SCP2: variants seen among roughly 807,000 people sequenced by gnomAD.
SCP2 encodes the protein sterol carrier protein 2.
A neutral mutation model predicts 71.4 loss-of-function variants in SCP2; 48 were observed. The observed-to-expected ratio is 0.67, with a 90% CI of 0.53 to 0.86. The LOEUF is 0.86. Ranked by LOEUF, SCP2 falls within the 40% of genes least tolerant of loss-of-function variation. SCP2 has a pLI of 0.00. For missense variants in SCP2, 560 were observed against 655.6 expected (o/e 0.85, Z 1.59); for synonymous variants, 220 against 218.1 (o/e 1.01, Z -0.08).
intron 2 of SCP2, among the ~76,000 whole-genome samples, chr1:52,946,188 C>T (rs1360554710): frequency 6.6e-6 from 1 of 151,098 alleles, no homozygotes; most frequent in Admixed American, 6.6e-5. Flanking sequence ...CTTGGTCTCC[C>T]AAAGTGCTAG....
At chr1:53,041,333 C>T (rs1663414405) in intron 14 of SCP2, among the ~76,000 whole-genome samples, 2 of 150,150 alleles carry the variant, frequency 1.3e-5, no homozygotes, top group African/African-American at 2.5e-5. Flanking sequence ...ACCCAGGAGG[C>T]GGAGGTTGCA....
chr1:53,031,040 T>C (rs1662512933), intron 13 of SCP2, among the ~76,000 whole-genome samples: 1 of 152,206 alleles, frequency 6.6e-6, no homozygotes, highest in Non-Finnish European at 1.5e-5. Flanking sequence ...CTTAAAAGTT[T>C]TGGTTTTTAA....
chr1:53,010,730 A>G (rs1024427596), intron 11 of SCP2, among the ~76,000 whole-genome samples: 1 of 152,162 alleles, frequency 6.6e-6, no homozygotes, highest in East Asian at 1.9e-4. Context: ...ATATATATGT[A>G]ACAAAGCTGC....
intron 11 of SCP2, among the ~76,000 whole-genome samples, chr1:53,010,248 T>C (rs138131293): frequency 0.019 from 2,856 of 152,260 alleles, 97 homozygotes; most frequent in African/African-American, 0.065. Flanking sequence ...GAACTAGAAA[T>C]AGCATTTGAC....
chr1:53,012,097 C>T (rs1661021852), intron 11 of SCP2, among the ~76,000 whole-genome samples: 1 of 152,172 alleles, frequency 6.6e-6, no homozygotes, highest in Admixed American at 6.5e-5. Context: ...TAGAATACTA[C>T]TATAACTTCC....
chr1:52,995,824 C>T, intron 11 of SCP2: 1 of 1,001,810 alleles, frequency 1.0e-6, no homozygotes, highest in South Asian at 1.4e-5. Flanking sequence ...AGGAGCTCTT[C>T]AGGTGCATCT....
chr1:52,978,683 C>T (rs889640720), intron 9 of SCP2, among the ~76,000 whole-genome samples: 6 of 152,166 alleles, frequency 3.9e-5, no homozygotes, highest in African/African-American at 1.4e-4. Flanking sequence ...CCACTTCAGC[C>T]TCCCAAGTGG....
chr1:52,961,865 A>G (rs1022446923), intron 6 of SCP2, among the ~76,000 whole-genome samples: 3 of 152,198 alleles, frequency 2.0e-5, no homozygotes, highest in Non-Finnish European at 4.4e-5. Context: ...TTGAAATAGG[A>G]AAAATAACAC....
At chr1:52,995,957 T>G (rs1659907732) in intron 11 of SCP2, 1 of 1,454,768 alleles carries the variant, frequency 6.9e-7, no homozygotes, top group Admixed American at 2.4e-5. Flanking sequence ...TCTCTGAGTA[T>G]CAGCAGTACC....
chr1:52,969,967 CATTT>C (rs1466742041), intron 6 of SCP2, among the ~76,000 whole-genome samples: 2 of 152,144 alleles, frequency 1.3e-5, no homozygotes, highest in Non-Finnish European at 2.9e-5. Context: ...TTATGTCATT[CATTT>C]ATTCTTATTA....
At chr1:52,993,496 A>C in intron 11 of SCP2, 4 of 1,613,130 alleles carry the variant, frequency 2.5e-6, no homozygotes, top group Non-Finnish European at 3.4e-6. Flanking sequence ...TTTGAAACTT[A>C]TAGATTTCTT....
chr1:53,015,196 G>T (rs573859813), intron 12 of SCP2, among the ~76,000 whole-genome samples, 153 bp downstream of exon 12: 84 of 152,254 alleles, frequency 5.5e-4, no homozygotes, highest in Non-Finnish European at 1.0e-3. Flanking sequence ...TTTAAAAGTG[G>T]CCATCAGGTT....
intron 14 of SCP2, among the ~76,000 whole-genome samples, chr1:53,039,455 G>A (rs1321706515): frequency 6.6e-6 from 1 of 152,184 alleles, no homozygotes; most frequent in Non-Finnish European, 1.5e-5. Flanking sequence ...TGCATGGCTG[G>A]TGGCCTTGGA....
intron 11 of SCP2, among the ~76,000 whole-genome samples, chr1:53,003,771 C>T (rs1660464480): frequency 6.6e-6 from 1 of 152,156 alleles, no homozygotes; most frequent in Non-Finnish European, 1.5e-5. Context: ...AAGTGGTCCT[C>T]TCTCCTTGGC....
intron 1 of SCP2, among the ~76,000 whole-genome samples, chr1:52,940,028 A>C (rs963778937): frequency 1.3e-5 from 2 of 152,164 alleles, no homozygotes; most frequent in Non-Finnish European, 2.9e-5. Context: ...TATCCTTGCC[A>C]GCATTTGATG....
intron 11 of SCP2, among the ~76,000 whole-genome samples, chr1:53,009,385 G>A (rs931780114): frequency 1.2e-4 from 18 of 152,234 alleles, no homozygotes; most frequent in African/African-American, 4.1e-4. Flanking sequence ...TATACTACAA[G>A]GCTACAGTAA....
At chr1:52,944,937 G>A (rs531294399) in intron 2 of SCP2, among the ~76,000 whole-genome samples, 4 of 151,988 alleles carry the variant, frequency 2.6e-5, no homozygotes, top group East Asian at 2.0e-4. Flanking sequence ...GTGAGCCACC[G>A]TGTCTGGCCT....
intron 13 of SCP2, among the ~76,000 whole-genome samples, chr1:53,037,038 G>A (rs1196570961): frequency 1.3e-5 from 2 of 152,092 alleles, no homozygotes; most frequent in African/African-American, 4.8e-5. Context: ...TCAGAAGGCT[G>A]AGGCAAGAGA....
intron 11 of SCP2, among the ~76,000 whole-genome samples, chr1:52,991,461 C>T (rs1203994502): frequency 2.0e-5 from 3 of 151,644 alleles, no homozygotes; most frequent in Non-Finnish European, 2.9e-5. Flanking sequence ...AGCGCAGTAG[C>T]GCGATCTTGG....
Sources: allele counts gnomAD v4.1 joint callset (sites outside exome capture counted in the v4.1 genomes callset), GRCh38; gene constraint gnomAD v4.1.1; transcripts MANE v1.5; gene names NCBI Gene and HGNC (gene_info 2026-07-23, HGNC 2026-07-21).